KCNJ13: variants seen among roughly 807,000 people sequenced by gnomAD.
KCNJ13 encodes inward rectifier potassium channel 13.
Under a neutral mutation model 24.6 loss-of-function variants are expected in KCNJ13, and 9 were observed. The ratio of observed to expected loss-of-function variants is 0.37; its 90% confidence interval spans 0.22 to 0.64. The LOEUF is 0.64. KCNJ13 is among the 30% of genes least tolerant of loss of function. The probability of loss-of-function intolerance (pLI) is 0.64; values close to 1 mark genes in which losing one functional copy is unlikely to be tolerated. For synonymous variants in KCNJ13, 148 were observed against 154.7 expected, an observed-to-expected ratio of 0.96 and a Z score of 0.32; for missense variants, 337 against 443.8, an observed-to-expected ratio of 0.76 and a Z score of 2.16.
At chr2:232,772,642 A>G (rs1699314606) in intron 1 of KCNJ13, among the ~76,000 whole-genome samples, 1 of 152,204 alleles carries the variant, frequency 6.6e-6, no homozygotes, top group Non-Finnish European at 1.5e-5. Context: ...TTAGTGTAGC[A>G]GTTACTAGGA....
At chr2:232,772,019 C>CT (rs1462324468) in intron 1 of KCNJ13, among the ~76,000 whole-genome samples, 2 of 152,124 alleles carry the variant, frequency 1.3e-5, no homozygotes, top group East Asian at 3.8e-4. Context: ...GGGTCTTGCT[C>CT]TGTCTCCTAG....
rs1486208300 is a variant in KCNJ13 at position 232,768,077 on chromosome 2, C to T, written c.*114G>A. 21 of 1,005,646 alleles carry T rather than the reference C, an allele frequency of 2.1e-5. No individual in the cohort carries two copies. Among genetic ancestry groups the T allele is most frequent in the African/African-American group, 1.8e-4 (11 of 62,444 alleles). The allele number at this position is 1,005,646 out of a possible 1,614,324, so 62.3% of individuals were successfully genotyped here. A position where few individuals can be genotyped will look rare whatever the true frequency, so the allele number is the denominator to read the frequency against. On this transcript the variant is annotated 3_prime_UTR_variant, in exon 3 of 3. Coordinates refer to ENST00000233826, the MANE Select transcript of KCNJ13 (RefSeq NM_002242.4). ...CTTATGTAGGCATAGGCATGATTAC[C>T]GTGATGTAGAGAGCTATAATTAGCA...
chr2:232,766,109 C>T lies in KCNJ13; in HGVS notation c.*2082G>A, dbSNP rs974676104. On this transcript the variant is annotated 3_prime_UTR_variant, in exon 3 of 3. Coordinates refer to ENST00000233826, the MANE Select transcript of KCNJ13 (RefSeq NM_002242.4). ...TTTCTATAGAAAACCTAATCCTTAA[C>T]CTAGAAACTGTGATTTGAAATAAGT... 1 of 400,604 alleles carries T rather than the reference C, an allele frequency of 2.5e-6. No individual in the cohort carries two copies. Among genetic ancestry groups the T allele is most frequent in the Non-Finnish European group, 5.2e-6 (1 of 190,966 alleles). The allele number at this position is 400,604 out of a possible 1,614,324, so 24.8% of individuals were successfully genotyped here.
At position 232,768,867 on chromosome 2, in the gene KCNJ13, CT is replaced by C. The variant is rs988166199; in HGVS notation, c.461-55del. 1.2e-5 allele frequency: 18 copies of C among 1,456,620 alleles called. No individual in the cohort carries two copies. In the African/African-American group the frequency reaches 2.4e-4, roughly 20 times the overall value. The allele number at this position is 1,456,620 out of a possible 1,614,324, so 90.2% of individuals were successfully genotyped here. A position where few individuals can be genotyped will look rare whatever the true frequency, so the allele number is the denominator to read the frequency against. On this transcript the variant is annotated intron_variant, in intron 2 of 2. Coordinates refer to ENST00000233826, the MANE Select transcript of KCNJ13 (RefSeq NM_002242.4). ...AGAATGAAGACTTTAAATATCAATA[CT>C]TTTTCTGAATGACAAGTGTATATCA...
chr2:232,770,037 A>G (rs1293912785), intron 2 of KCNJ13, among the ~76,000 whole-genome samples: 1 of 152,158 alleles, frequency 6.6e-6, no homozygotes, highest in Non-Finnish European at 1.5e-5. Context: ...GCCAAGAGAT[A>G]CAAGTTTTTC....
At position 232,765,940 on chromosome 2, in the gene KCNJ13, T is replaced by C. The variant is rs770531736; in HGVS notation, c.*2251A>G. 1.4e-4 allele frequency: 65 copies of C among 470,990 alleles called. No homozygotes were observed. Among genetic ancestry groups the C allele is most frequent in the Non-Finnish European group, 2.2e-4 (51 of 227,006 alleles). The allele number at this position is 470,990 out of a possible 1,614,324, so 29.2% of individuals were successfully genotyped here. A position where few individuals can be genotyped will look rare whatever the true frequency, so the allele number is the denominator to read the frequency against. On this transcript the variant is annotated 3_prime_UTR_variant, in exon 3 of 3. Transcript: ENST00000233826. ...AGTTCCGAAGTAGTCTTCCTGATCA[T>C]GTGTGCAAGACTTCATGACCAAGCT...
rs1448827108 is a variant in KCNJ13 at position 232,770,844 on chromosome 2, G to A, written c.460+59C>T. On this transcript the variant is annotated intron_variant, in intron 2 of 2. Transcript: ENST00000233826. ...CTGACTATACCCTTTCCAAACACCT[G>A]TAGTTTTGTTTTGTTTTGTTTTTGT... The A allele has an allele frequency of 6.8e-6, 8 of 1,184,858 alleles. No individual in the cohort carries two copies. In the African/African-American group the frequency reaches 1.2e-4, roughly 18 times the overall value. The allele number at this position is 1,184,858 out of a possible 1,614,324, so 73.4% of individuals were successfully genotyped here. A position where few individuals can be genotyped will look rare whatever the true frequency, so the allele number is the denominator to read the frequency against.
intron 1 of KCNJ13, among the ~76,000 whole-genome samples, chr2:232,775,546 A>T (rs1431033589): frequency 6.6e-6 from 1 of 152,184 alleles, no homozygotes; most frequent in Non-Finnish European, 1.5e-5. Flanking sequence ...CCCAATAGAA[A>T]GTGAGGTGGA....
At position 232,766,162 on chromosome 2, in the gene KCNJ13, A is replaced by G. The variant is rs979223227; in HGVS notation, c.*2029T>C. ...AAGAAACAATGAACAGTCCTCCCAG[A>G]AACTTTCTATCTCCTGCAAAAAAGT... On this transcript the variant is annotated 3_prime_UTR_variant, in exon 3 of 3. Transcript: ENST00000233826. 1.3e-4 allele frequency among the ~76,000 whole-genome samples: 20 copies of G among 152,332 alleles called. No homozygotes were observed. Among genetic ancestry groups the G allele is most frequent in the African/African-American group, 3.8e-4 (16 of 41,576 alleles).
chr2:232,767,695 A>G lies in KCNJ13; in HGVS notation c.*496T>C. 1 of 166,076 alleles carries G rather than the reference A, an allele frequency of 6.0e-6. No individual in the cohort carries two copies. Among genetic ancestry groups the G allele is most frequent in the South Asian group, 1.6e-4 (1 of 6,266 alleles). 10.3% of individuals were successfully genotyped at this position (166,076 alleles called of 1,614,324 possible). Reference sequence around the variant, plus strand: ...AATACTTACTCAAGTTTCATAGTATAAAGAACCAAATGAATGATCTTTGTT... The same window carrying G: ...AATACTTACTCAAGTTTCATAGTATGAAGAACCAAATGAATGATCTTTGTT... On this transcript the variant is annotated 3_prime_UTR_variant, in exon 3 of 3. Coordinates refer to ENST00000233826, the MANE Select transcript of KCNJ13 (RefSeq NM_002242.4).
chr2:232,776,224 AAC>A (rs1699506838), intron 1 of KCNJ13, among the ~76,000 whole-genome samples: 1 of 152,218 alleles, frequency 6.6e-6, no homozygotes, highest in South Asian at 2.1e-4. Flanking sequence ...CATTTAATAA[AAC>A]AGTTAAGAAA....
At chr2:232,771,581 C>T (rs1056087874) in intron 1 of KCNJ13, among the ~76,000 whole-genome samples, 1 of 152,138 alleles carries the variant, frequency 6.6e-6, no homozygotes, top group African/African-American at 2.4e-5. Context: ...TAAAATATCT[C>T]TTCTATTGTT....
chr2:232,775,064 AT>A (rs956789044), intron 1 of KCNJ13, among the ~76,000 whole-genome samples: 708 of 144,636 alleles, frequency 4.9e-3, no homozygotes, highest in Middle Eastern at 0.018. Context: ...GTTAAGCAGC[AT>A]TTTTTTTTTT....
In KCNJ13 at chr2:232,768,387, T is replaced by C; in HGVS notation, c.887A>G (p.His296Arg). ...GGTCAACAGAGATGCAAAACAGTGA[T>C]GTAACATGATTTCAGACGGTAGGTA... ...TSYLPSEIMLHHCFASLLTRG... is the reference protein window; with the variant it reads ...TSYLPSEIMLRHCFASLLTRG... Residue 296 changes from histidine (H) to arginine (R), a missense_variant, in exon 3 of 3, where the codon CAT becomes CGT. By Grantham distance (29) the His-to-Arg change is conservative. Around this residue, in one of 3 missense-constraint regions of KCNJ13, gnomAD observed 235 missense variants for 286.9 expected, o/e 0.82. Transcript: ENST00000233826. 6.2e-7 allele frequency: 1 copy of C among 1,614,192 alleles called. No homozygotes were observed.
intron 2 of KCNJ13, among the ~76,000 whole-genome samples, chr2:232,769,405 C>G (rs1407875256): frequency 6.6e-6 from 1 of 151,444 alleles, no homozygotes; most frequent in African/African-American, 2.4e-5. Context: ...GTGGCACATG[C>G]CTGTAATCCC....
chr2:232,767,861 G>T lies in KCNJ13; in HGVS notation c.*330C>A. On this transcript the variant is annotated 3_prime_UTR_variant, in exon 3 of 3. Coordinates refer to ENST00000233826, the MANE Select transcript of KCNJ13 (RefSeq NM_002242.4). ...GAGAGATTAATGGTTGATTTTCTTAGAGTTCAGTTGTGTTAAACTTCACTG... is the reference window on the plus strand; with the variant it reads ...GAGAGATTAATGGTTGATTTTCTTATAGTTCAGTTGTGTTAAACTTCACTG... The T allele has an allele frequency of 3.5e-6, 1 of 286,182 alleles. No individual in the cohort carries two copies. Among genetic ancestry groups the T allele is most frequent in the Admixed American group, 4.9e-5 (1 of 20,248 alleles). 17.7% of individuals were successfully genotyped at this position (286,182 alleles called of 1,614,324 possible).
At position 232,776,533 on chromosome 2, in the gene KCNJ13, A is replaced by G. The variant is rs781547010; in HGVS notation, c.-105T>C. 2.1e-5 allele frequency: 20 copies of G among 974,210 alleles called. No individual in the cohort carries two copies. Among genetic ancestry groups the G allele is most frequent in the East Asian group, 2.5e-5 (1 of 40,024 alleles). The allele number at this position is 974,210 out of a possible 1,614,324, so 60.3% of individuals were successfully genotyped here. ...CTTTTTGATCAGATAATTTTAATCT[A>G]CAAGTCTAGTTTGTAGGTTCTCTTC... On this transcript the variant is annotated 5_prime_UTR_variant, in exon 1 of 3. Coordinates refer to ENST00000233826, the MANE Select transcript of KCNJ13 (RefSeq NM_002242.4).
At chr2:232,771,615 T>C (rs1184629285) in intron 1 of KCNJ13, among the ~76,000 whole-genome samples, 1 of 152,234 alleles carries the variant, frequency 6.6e-6, no homozygotes, top group East Asian at 1.9e-4. Flanking sequence ...GTTAAAACAT[T>C]GTTTAACACT....
In KCNJ13 at chr2:232,776,459, G is replaced by C. The variant is rs756228765; in HGVS notation, c.-31C>G. 4 of 1,598,974 alleles carry C rather than the reference G, an allele frequency of 2.5e-6. No individual in the cohort carries two copies. Among genetic ancestry groups the C allele is most frequent in the African/African-American group, 1.3e-5 (1 of 74,622 alleles). ...CATGTACTCACCAGTTCTTTTGCTG[G>C]GTCAGCCTTTATGCCAAGGTAGGTC... On this transcript the variant is annotated 5_prime_UTR_variant, in exon 1 of 3. Coordinates refer to ENST00000233826, the MANE Select transcript of KCNJ13 (RefSeq NM_002242.4).
Sources: allele counts gnomAD v4.1 joint callset (sites outside exome capture counted in the v4.1 genomes callset), GRCh38; gene constraint gnomAD v4.1.1; regional missense constraint gnomAD v4.1.1; transcripts MANE v1.5; gene names NCBI Gene and HGNC (gene_info 2026-07-23, HGNC 2026-07-21).